The following PRKX variants were observed in gnomAD, a reference collection of about 807,000 sequenced individuals.
The protein encoded by PRKX is protein kinase cAMP-dependent X-linked catalytic subunit, also known as cAMP-dependent protein kinase catalytic subunit PRKX.
Under a neutral mutation model 22.0 loss-of-function variants are expected in PRKX, and 12 were observed. The ratio of observed to expected loss-of-function variants is 0.54; its 90% CI spans 0.35 to 0.88. The LOEUF (loss-of-function observed/expected upper bound fraction) is 0.88. Among genes scored for constraint, PRKX ranks in the 40% least tolerant of loss-of-function variants. The pLI, the probability that PRKX is intolerant of heterozygous loss-of-function variation, is 0.01. For missense variants in PRKX, 217 were observed against 308.0 expected (o/e 0.70, Z 2.21); for synonymous variants, 134 against 137.7 (o/e 0.97, Z 0.19).
At chrX:3,650,520 C>CAAAAAAAAAAAA (rs748871957) in intron 3 of PRKX, among the ~76,000 whole-genome samples, 3 of 37,836 alleles carry the variant, frequency 7.9e-5, no homozygotes, top group Non-Finnish European at 8.3e-5. Context: ...GACTCCTCTC[C>CAAAAAAAAAAAA]AAAAAAAAAA....
At chrX:3,676,804 C>G (rs974305360) in intron 1 of PRKX, among the ~76,000 whole-genome samples, 2 of 111,266 alleles carry the variant, frequency 1.8e-5, no homozygotes, top group African/African-American at 6.5e-5. Flanking sequence ...TGGGTTTTCC[C>G]ATGCTGTCCT....
chrX:3,638,147 T>C (rs1266405434), intron 4 of PRKX, among the ~76,000 whole-genome samples: 1 of 111,810 alleles, frequency 8.9e-6, no homozygotes, highest in Non-Finnish European at 1.9e-5. Context: ...TATATTTAAA[T>C]ATTCCAATGT....
At position 3,626,474 on chromosome X, in the gene PRKX, G is replaced by A. The variant is rs757423267; in HGVS notation, c.760C>T (p.Gln254Ter). The A allele has an allele frequency of 1.1e-5, 13 of 1,210,936 alleles. No homozygotes were observed. The highest frequency in any genetic ancestry group is 1.5e-5 in the Non-Finnish European group (13 of 894,701). The change falls in exon 5 of 9, where the codon CAG becomes TAG. Residue 254 changes from glutamine (Q) to a stop codon, truncating the protein, a stop_gained. Coordinates refer to ENST00000262848, the MANE Select transcript of PRKX (RefSeq NM_005044.5). LOFTEE classifies it high-confidence loss of function. ...FFDDNPFGIY[Q>*]KILAGKIDFP... ...TCTATTTTGCCTGCAAGAATTTTCT[G>A]ATAAATGCCAAACGGGTTGTCATCA...
intron 6 of PRKX, among the ~76,000 whole-genome samples, chrX:3,618,179 G>A (rs192935099): frequency 6.2e-4 from 69 of 110,995 alleles, no homozygotes; most frequent in African/African-American, 1.7e-3. Flanking sequence ...GAGTAGAATG[G>A]TGGATACCAG....
chrX:3,637,527 T>C (rs1457145526), intron 4 of PRKX, among the ~76,000 whole-genome samples: 1 of 110,048 alleles, frequency 9.1e-6, no homozygotes, highest in Non-Finnish European at 1.9e-5. Context: ...CCTGGGAGAG[T>C]TGGGGTCGGC....
At chrX:3,649,879 C>G (rs1254209999) in intron 3 of PRKX, among the ~76,000 whole-genome samples, 1 of 106,931 alleles carries the variant, frequency 9.4e-6, no homozygotes, top group Non-Finnish European at 1.9e-5. Flanking sequence ...GTAGCTCCCG[C>G]CTGTAATCCC....
rs1285993066 is a variant in PRKX, at chrX:3,673,131, G to A, written c.335+1467C>T. The stretch of plus-strand genomic sequence containing the variant: ...CAGGTGCACTTGTTCCAGTACACAC[G>A]AGGTGCTTCAAGAACATGATGGGAG... On this transcript the variant is annotated intron_variant, in intron 2 of 8. Transcript: ENST00000262848. Among the ~76,000 whole-genome samples, 3 of 111,735 alleles carry A rather than the reference G, an allele frequency of 2.7e-5. No homozygotes were observed. The Admixed American group carries it at 2.9e-4, about 11-fold the overall frequency.
intron 8 of PRKX, among the ~76,000 whole-genome samples, chrX:3,610,549 C>T (rs1569228675): frequency 9.0e-6 from 1 of 110,950 alleles, no homozygotes; most frequent in African/African-American, 3.3e-5. Flanking sequence ...AATGATTCCA[C>T]TTAGCAAAAA....
intron 4 of PRKX, among the ~76,000 whole-genome samples, chrX:3,635,403 A>G (rs111548910): frequency 0.027 from 3,033 of 111,165 alleles, 117 homozygotes; most frequent in African/African-American, 0.093. Context: ...CAGATCTGTC[A>G]TTGGAAAAAT....
intron 1 of PRKX, among the ~76,000 whole-genome samples, chrX:3,703,354 T>C (rs897882088): frequency 8.9e-6 from 1 of 111,759 alleles, no homozygotes; most frequent in Non-Finnish European, 1.9e-5. Flanking sequence ...ACAGAAGACA[T>C]GAAAGGCTGG....
In PRKX at chrX:3,658,770, A is replaced by C. The variant is rs761796304; in HGVS notation, c.336-3358T>G. ...GATGCTATCACAGATGCTCCCCTGC[A>C]AGCTCATTCAAATGAGCTGCACCCC... On this transcript the variant is annotated intron_variant, in intron 2 of 8. Transcript: ENST00000262848. 5.4e-5 allele frequency among the ~76,000 whole-genome samples: 6 copies of C among 110,562 alleles called. No individual in the cohort carries two copies. In the South Asian group the frequency reaches 2.0e-3, roughly 37 times the overall value.
intron 1 of PRKX, among the ~76,000 whole-genome samples, chrX:3,690,457 G>C (rs1928299895): frequency 8.9e-6 from 1 of 112,791 alleles, no homozygotes; most frequent in Non-Finnish European, 1.9e-5. Flanking sequence ...ATGTGGCCGT[G>C]AGTAGTGGCT....
Position 3,655,251 on chromosome X carries a change from T to C in PRKX, c.497A>G (p.Lys166Arg), listed in dbSNP as rs1927454814. 1.7e-6 allele frequency: 2 copies of C among 1,210,423 alleles called. No homozygotes were observed. Among genetic ancestry groups the C allele is most frequent in the African/African-American group, 1.7e-5 (1 of 57,282 alleles). The change falls in exon 3 of 9, where the codon AAA becomes AGA. Residue 166 changes from lysine to arginine, a missense_variant. Physicochemically the swap from Lys to Arg is conservative, Grantham distance 26 (BLOSUM62 2). Transcript: ENST00000262848. ...CTTCAAGTCCCTGTAGACGATCTCT[T>C]TGGAGTGCAGGTACTCGATGGCACA... ...IICAIEYLHS[K>R]EIVYRDLKPE...
At chrX:3,640,274 C>G (rs1033825453) in intron 4 of PRKX, among the ~76,000 whole-genome samples, 1 of 110,409 alleles carries the variant, frequency 9.1e-6, no homozygotes. Context: ...TCTGGGCCCT[C>G]GCTGGCTGGG....
intron 1 of PRKX, among the ~76,000 whole-genome samples, chrX:3,697,264 G>A (rs1215729068): frequency 9.0e-6 from 1 of 111,147 alleles, no homozygotes; most frequent in African/African-American, 3.3e-5. Flanking sequence ...TACTCGGGAA[G>A]GCGCGGCACG....
intron 2 of PRKX, among the ~76,000 whole-genome samples, chrX:3,661,554 C>T (rs1234843945): frequency 9.1e-6 from 1 of 109,467 alleles, no homozygotes; most frequent in Non-Finnish European, 1.9e-5. Context: ...TATGACTGAA[C>T]CTCTGCACTC....
intron 1 of PRKX, among the ~76,000 whole-genome samples, chrX:3,711,164 T>TAC (rs1483899866): frequency 9.1e-6 from 1 of 110,223 alleles, no homozygotes; most frequent in Non-Finnish European, 1.9e-5. Context: ...CATGCAAACA[T>TAC]ACACACACAC....
chrX:3,655,714 G>A (rs1012294734), intron 2 of PRKX, among the ~76,000 whole-genome samples: 1 of 112,524 alleles, frequency 8.9e-6, no homozygotes, highest in African/African-American at 3.2e-5. Flanking sequence ...GGTGTAAACA[G>A]TGTTACCATA....
Position 3,712,712 on chromosome X carries a change from C to G in PRKX, c.166+376G>C, listed in dbSNP as rs73442515. Among the ~76,000 whole-genome samples the G allele has an allele frequency of 6.2e-3, 698 of 112,531 alleles. 5 individuals carry two copies. Among genetic ancestry groups the G allele is most frequent in the African/African-American group, 0.022 (672 of 31,002 alleles). ...GTCTTCGCACCCCGCGCCAGTGTCC[C>G]TGGGGCCGCTGCCAGGGAGGGAGCA... On this transcript the variant is annotated intron_variant, in intron 1 of 8. Transcript: ENST00000262848.
Sources: gnomAD v4.1 joint callset for allele counts (sites outside exome capture counted in the v4.1 genomes callset) on GRCh38, gnomAD v4.1.1 for gene constraint, MANE v1.5 for transcripts, NCBI Gene and HGNC (gene_info 2026-07-23, HGNC 2026-07-21) for gene names.